LRRC4C: variants seen among roughly 807,000 people sequenced by gnomAD.
LRRC4C encodes the protein leucine rich repeat containing 4C.
LRRC4C carries 5 observed loss-of-function variants against 33.6 expected under a neutral mutation model. That is an observed-to-expected ratio of 0.15 (90% CI 0.08 to 0.31). LRRC4C has a LOEUF of 0.31. LRRC4C is among the 10% of genes least tolerant of loss of function. LRRC4C has a pLI of 1.00. For synonymous variants in LRRC4C, 329 were observed against 302.0 expected (o/e 1.09, Z -0.93); for missense variants, 560 against 796.7 (o/e 0.70, Z 3.58).
intron 1 of LRRC4C, among the ~76,000 whole-genome samples, chr11:41,233,199 C>T (rs1947877004): frequency 6.6e-6 from 1 of 151,708 alleles, no homozygotes; most frequent in Non-Finnish European, 1.5e-5. Flanking sequence ...TTCATGTGTG[C>T]AAATAAGCTA....
intron 1 of LRRC4C, among the ~76,000 whole-genome samples, chr11:41,092,808 T>G (rs1428451752): frequency 6.6e-6 from 1 of 152,228 alleles, no homozygotes; most frequent in Non-Finnish European, 1.5e-5. Context: ...TGAGTTAGAG[T>G]AAACCTTCAG....
chr11:41,452,226 C>A (rs902931248), intron 1 of LRRC4C, among the ~76,000 whole-genome samples: 1 of 151,960 alleles, frequency 6.6e-6, no homozygotes, highest in Non-Finnish European at 1.5e-5. Context: ...GCTTACTTGG[C>A]CTTTGTTTCT....
intron 3 of LRRC4C, among the ~76,000 whole-genome samples, chr11:40,614,335 G>A (rs934663809): frequency 6.6e-6 from 1 of 151,754 alleles, no homozygotes; most frequent in Non-Finnish European, 1.5e-5. Flanking sequence ...TGTTATGAAC[G>A]TGGCTTCTTT....
At chr11:40,823,674 G>A (rs1450050913) in intron 2 of LRRC4C, among the ~76,000 whole-genome samples, 1 of 151,568 alleles carries the variant, frequency 6.6e-6, no homozygotes, top group Non-Finnish European at 1.5e-5. Flanking sequence ...TAACAAAAAC[G>A]ATAGATAATA....
intron 1 of LRRC4C, among the ~76,000 whole-genome samples, chr11:41,207,398 T>C (rs1307301798): frequency 6.6e-6 from 1 of 152,172 alleles, no homozygotes; most frequent in East Asian, 1.9e-4. Context: ...TATTATAAAC[T>C]GAATATCTTC....
chr11:40,647,465 G>A (rs763200564), intron 3 of LRRC4C, among the ~76,000 whole-genome samples: 7 of 152,028 alleles, frequency 4.6e-5, no homozygotes, highest in Non-Finnish European at 5.9e-5. Flanking sequence ...ACTCTTGATG[G>A]TATAACAATT....
At chr11:41,370,931 G>T (rs982651534) in intron 1 of LRRC4C, among the ~76,000 whole-genome samples, 10 of 152,246 alleles carry the variant, frequency 6.6e-5, no homozygotes, top group African/African-American at 2.2e-4. Flanking sequence ...CCAGTAGATA[G>T]GAAGGAGAAT....
intron 4 of LRRC4C, among the ~76,000 whole-genome samples, chr11:40,279,889 A>C (rs759801895): frequency 2.0e-5 from 3 of 152,130 alleles, no homozygotes; most frequent in Admixed American, 1.3e-4. Flanking sequence ...TGGGAGATAT[A>C]ATTTCATTTT....
intron 3 of LRRC4C, among the ~76,000 whole-genome samples, chr11:40,637,698 G>A (rs914323027): frequency 6.6e-6 from 1 of 152,004 alleles, no homozygotes; most frequent in Admixed American, 6.6e-5. Context: ...AATATATATA[G>A]AATCCAACCA....
intron 3 of LRRC4C, among the ~76,000 whole-genome samples, chr11:40,645,493 G>C (rs1453407304): frequency 6.6e-6 from 1 of 152,198 alleles, no homozygotes; most frequent in African/African-American, 2.4e-5. Flanking sequence ...AGAAGCTTGA[G>C]AGGGAAGTAG....
At chr11:41,368,699 A>T (rs1008966115) in intron 1 of LRRC4C, among the ~76,000 whole-genome samples, 1 of 152,208 alleles carries the variant, frequency 6.6e-6, no homozygotes, top group Admixed American at 6.5e-5. Context: ...TTCATTCAAA[A>T]TGTGTTGTAT....
At chr11:40,426,414 G>C (rs1388416721) in intron 3 of LRRC4C, among the ~76,000 whole-genome samples, 1 of 151,638 alleles carries the variant, frequency 6.6e-6, no homozygotes, top group Non-Finnish European at 1.5e-5. Context: ...GCACCTTTAG[G>C]GTTTTGTGTG....
chr11:40,911,762 A>T (rs1956705682), intron 2 of LRRC4C, among the ~76,000 whole-genome samples: 1 of 150,570 alleles, frequency 6.6e-6, no homozygotes, highest in Admixed American at 6.6e-5. Flanking sequence ...TAAAGGAGGA[A>T]GTTCGAACCC....
intron 1 of LRRC4C, among the ~76,000 whole-genome samples, chr11:41,111,720 A>T (rs1184913758): frequency 1.3e-5 from 2 of 151,994 alleles, no homozygotes; most frequent in Admixed American, 1.3e-4. Flanking sequence ...AGCACCTGTG[A>T]CACTGACAAA....
chr11:40,498,414 T>G (rs1317586799), intron 3 of LRRC4C, among the ~76,000 whole-genome samples: 1 of 152,214 alleles, frequency 6.6e-6, no homozygotes, highest in African/African-American at 2.4e-5. Context: ...TTAGTTGAAC[T>G]TCGTGTAATA....
intron 2 of LRRC4C, among the ~76,000 whole-genome samples, chr11:40,690,072 C>A (rs1007499082): frequency 2.0e-5 from 3 of 152,064 alleles, no homozygotes; most frequent in Admixed American, 2.0e-4. Context: ...AGGTTGCACC[C>A]AGCTTAGACA....
In LRRC4C at chr11:41,186,377, A is replaced by T. The variant is rs184634825; in HGVS notation, c.-495-252654T>A. On this transcript the variant is annotated intron_variant, in intron 1 of 6. Transcript: ENST00000528697. The stretch of plus-strand genomic sequence containing the variant: ...GCTGTGGAAAATATAACAGAGAAAA[A>T]TTTTATAACCATATTTCAAGTTAAA... 2.7e-3 allele frequency among the ~76,000 whole-genome samples: 412 copies of T among 152,302 alleles called. 3 individuals are homozygous for T. The highest frequency in any genetic ancestry group is 9.4e-3 in the African/African-American group (392 of 41,568).
intron 4 of LRRC4C, among the ~76,000 whole-genome samples, chr11:40,311,889 G>T (rs1029518798): frequency 4.8e-5 from 7 of 144,740 alleles, no homozygotes; most frequent in Non-Finnish European, 1.0e-4. Flanking sequence ...AAGTTGCAGT[G>T]AGCCAAGATC....
chr11:40,154,826 G>A (rs977326097), intron 5 of LRRC4C, among the ~76,000 whole-genome samples: 6 of 152,068 alleles, frequency 3.9e-5, no homozygotes, highest in African/African-American at 9.7e-5. Context: ...ACAAACAATG[G>A]ATTTAAACTA....
Sources: gnomAD v4.1 joint callset for allele counts (sites outside exome capture counted in the v4.1 genomes callset) on GRCh38, gnomAD v4.1.1 for gene constraint, MANE v1.5 for transcripts, NCBI Gene and HGNC (gene_info 2026-07-23, HGNC 2026-07-21) for gene names.